The following KCNN3 variants were observed in gnomAD, a reference collection of about 807,000 sequenced individuals.
The protein encoded by KCNN3 is potassium calcium-activated channel subfamily N member 3.
KCNN3 carries 16 observed loss-of-function variants against 62.9 expected under a neutral mutation model. The ratio of observed to expected loss-of-function variants is 0.25; its 90% CI spans 0.17 to 0.39. KCNN3 has a LOEUF of 0.39. Among genes scored for constraint, KCNN3 ranks in the 10% least tolerant of loss-of-function variants. KCNN3 has a pLI of 1.00. For synonymous variants in KCNN3, 370 were observed against 389.2 expected, an observed-to-expected ratio of 0.95 and a Z score of 0.58; for missense variants, 599 against 949.4, an observed-to-expected ratio of 0.63 and a Z score of 4.85.
At chr1:154,860,576 TC>T (rs1357024868) in intron 1 of KCNN3, among the ~76,000 whole-genome samples, 4 of 152,150 alleles carry the variant, frequency 2.6e-5, no homozygotes, top group African/African-American at 9.7e-5. Context: ...ACAGCCCACT[TC>T]CTTTTTACTC....
chr1:154,804,828 C>T (rs1390564280), intron 2 of KCNN3, among the ~76,000 whole-genome samples: 1 of 152,182 alleles, frequency 6.6e-6, no homozygotes, highest in Non-Finnish European at 1.5e-5. Flanking sequence ...TCACCCCAAG[C>T]TCAGTCAGGA....
In KCNN3 at chr1:154,716,728, C is replaced by T. The variant is rs187784665; in HGVS notation, c.1702-1725G>A. Among the ~76,000 whole-genome samples the T allele has an allele frequency of 2.0e-3, 297 of 152,302 alleles. 2 individuals are homozygous for T. Among genetic ancestry groups the T allele is most frequent in the African/African-American group, 6.8e-3 (284 of 41,550 alleles). On this transcript the variant is annotated intron_variant, in intron 5 of 7. Transcript: ENST00000271915. ...ACTGCCCACCTCTAGTACTTTCTTG[C>T]CTGAAAGGAAGCAGGTTGTGGTGGA...
chr1:154,754,425 C>T (rs1440822187), intron 3 of KCNN3, among the ~76,000 whole-genome samples: 1 of 152,134 alleles, frequency 6.6e-6, no homozygotes, highest in Non-Finnish European at 1.5e-5. Flanking sequence ...CCCAACAGCA[C>T]GTCTCCTCTT....
At chr1:154,756,096 GGAAGAAGGAA>G (rs1182952099) in intron 3 of KCNN3, among the ~76,000 whole-genome samples, 1 of 129,668 alleles carries the variant, frequency 7.7e-6, no homozygotes, top group Admixed American at 7.7e-5. Flanking sequence ...GGGGAAAGAA[GGAAGAAGGAA>G]GAAGAAGGAA....
chr1:154,869,471 C>G lies in KCNN3; in HGVS notation c.494G>C (p.Arg165Pro). 1.2e-6 allele frequency: 2 copies of G among 1,614,124 alleles called. No individual in the cohort carries two copies. Among genetic ancestry groups the G allele is most frequent in the Non-Finnish European group, 1.7e-6 (2 of 1,180,032 alleles). Residue 165 changes from arginine to proline, a missense_variant, in exon 1 of 8, where the codon CGG (arginine) becomes CCG (proline). By Grantham distance (103) the Arg-to-Pro change is moderately radical. Coordinates refer to ENST00000271915, the MANE Select transcript of KCNN3 (RefSeq NM_002249.6). This position sits in a 1 kb window ranked among gnomAD's most constrained non-coding sequence, Gnocchi z 6.1. The stretch of plus-strand genomic sequence containing the variant: ...GATCTCCGTGAAGGGGTTGCTGTCC[C>G]GCCGGTGCACCAGGGGGCTGGCCTG... ...HRQASPLVHRRDSNPFTEIAM... is the reference protein window; with the variant it reads ...HRQASPLVHRPDSNPFTEIAM...
At position 154,772,893 on chromosome 1, in the gene KCNN3, C is replaced by T. The variant is rs1395102669; in HGVS notation, c.1030-500G>A. Among the ~76,000 whole-genome samples, 6 of 152,014 alleles carry T rather than the reference C, an allele frequency of 3.9e-5. No homozygotes were observed. The highest frequency in any genetic ancestry group is 8.8e-5 in the Non-Finnish European group (6 of 68,008). ...AACTTTCAGCCCCACCCCACCACCTCCTGAGAAGGAAGAGGGGCCCGAAGG... is the reference window on the plus strand; with the variant it reads ...AACTTTCAGCCCCACCCCACCACCTTCTGAGAAGGAAGAGGGGCCCGAAGG... On this transcript the variant is annotated intron_variant, in intron 2 of 7. Coordinates refer to ENST00000271915, the MANE Select transcript of KCNN3 (RefSeq NM_002249.6). This position sits in a 1 kb window ranked among gnomAD's most constrained non-coding sequence, Gnocchi z 5.6.
chr1:154,715,649 T>C (rs1700219370), intron 5 of KCNN3, among the ~76,000 whole-genome samples: 1 of 151,974 alleles, frequency 6.6e-6, no homozygotes, highest in Non-Finnish European at 1.5e-5. Flanking sequence ...ATTTCAATAC[T>C]ATCTCTTGAC....
chr1:154,733,211 C>T, intron 3 of KCNN3, 67 bp from the exon 4 acceptor site: 1 of 1,522,944 alleles, frequency 6.6e-7, no homozygotes, highest in Non-Finnish European at 9.1e-7. Context: ...TGTGGGCAAA[C>T]CTAGAGCGGG....
intron 3 of KCNN3, among the ~76,000 whole-genome samples, chr1:154,746,570 TTTC>T (rs1380366607): frequency 6.6e-6 from 1 of 152,072 alleles, no homozygotes; most frequent in Non-Finnish European, 1.5e-5. Context: ...CTCTCTGTTC[TTTC>T]TTCTTCTCTT....
chr1:154,803,462 A>G (rs1650039181), intron 2 of KCNN3, among the ~76,000 whole-genome samples: 1 of 152,210 alleles, frequency 6.6e-6, no homozygotes, highest in Non-Finnish European at 1.5e-5. Flanking sequence ...AGCCCTTTAT[A>G]AATAAACACG....
At chr1:154,790,213 G>A (rs1168249032) in intron 2 of KCNN3, among the ~76,000 whole-genome samples, 1 of 152,216 alleles carries the variant, frequency 6.6e-6, no homozygotes, top group African/African-American at 2.4e-5. Flanking sequence ...TTACAGGCGT[G>A]AGCCACCATG....
chr1:154,725,425 G>T (rs1301501270), intron 5 of KCNN3, among the ~76,000 whole-genome samples: 1 of 152,114 alleles, frequency 6.6e-6, no homozygotes, highest in Non-Finnish European at 1.5e-5. Context: ...TCGAACAGAA[G>T]ACAGGAACCC....
intron 2 of KCNN3, among the ~76,000 whole-genome samples, chr1:154,783,968 G>A (rs774991895): frequency 6.6e-6 from 1 of 152,160 alleles, no homozygotes; most frequent in African/African-American, 2.4e-5. Context: ...TGCCTAAAGC[G>A]GTTACTAAGT....
chr1:154,746,443 G>A (rs911403478), intron 3 of KCNN3, among the ~76,000 whole-genome samples: 4 of 152,098 alleles, frequency 2.6e-5, no homozygotes, highest in Non-Finnish European at 2.9e-5. Flanking sequence ...TGCCAGTGCT[G>A]GGGTTTAATA....
rs1328243121 is a variant in KCNN3, at chr1:154,705,585, A to G, written c.*2391T>C. The G allele has an allele frequency of 6.6e-6, 1 of 152,230 alleles. No homozygotes were observed. Among genetic ancestry groups the G allele is most frequent in the Non-Finnish European group, 1.5e-5 (1 of 68,040 alleles). 9.4% of individuals were successfully genotyped at this position (152,230 alleles called of 1,614,324 possible). On this transcript the variant is annotated 3_prime_UTR_variant, in exon 8 of 8. Coordinates refer to ENST00000271915, the MANE Select transcript of KCNN3 (RefSeq NM_002249.6). ...AGGGTTTACCTAAGTGAGAGCATCA[A>G]TGATGGGTTAAAGTCACAGACCACA...
chr1:154,795,169 C>T (rs1419554096), intron 2 of KCNN3, among the ~76,000 whole-genome samples: 1 of 152,214 alleles, frequency 6.6e-6, no homozygotes, highest in Non-Finnish European at 1.5e-5. Context: ...CCATGCCCGT[C>T]GCCCAGCCCC....
chr1:154,799,846 T>C (rs1303327861), intron 2 of KCNN3, among the ~76,000 whole-genome samples: 1 of 152,198 alleles, frequency 6.6e-6, no homozygotes. Context: ...ATTAGTTCTG[T>C]AGCTGAGCAT....
intron 1 of KCNN3, among the ~76,000 whole-genome samples, chr1:154,848,095 TC>T (rs903272233): frequency 1.3e-5 from 2 of 151,862 alleles, no homozygotes. Flanking sequence ...GAAGGAGGCC[TC>T]CCCCCCTCCC....
At chr1:154,827,978 G>A (rs1651207859) in intron 1 of KCNN3, among the ~76,000 whole-genome samples, 1 of 152,044 alleles carries the variant, frequency 6.6e-6, no homozygotes, top group Non-Finnish European at 1.5e-5. Flanking sequence ...CTCTCTCCCA[G>A]GACTGTCCAA....
Sources: gnomAD v4.1 joint callset for allele counts (sites outside exome capture counted in the v4.1 genomes callset) on GRCh38, gnomAD v4.1.1 for gene constraint, Gnocchi (gnomAD v3.1) non-coding constraint, MANE v1.5 for transcripts, NCBI Gene and HGNC (gene_info 2026-07-23, HGNC 2026-07-21) for gene names.